PXDC1: variants seen among roughly 807,000 people sequenced by gnomAD.
PXDC1 encodes PX domain containing 1.
PXDC1 carries 13 observed loss-of-function variants against 24.4 expected under a neutral mutation model. The ratio of observed to expected loss-of-function variants is 0.53; its 90% CI spans 0.35 to 0.85. The LOEUF (loss-of-function observed/expected upper bound fraction) is 0.85, where lower values mean the gene tolerates loss of function less well. PXDC1 is among the 40% of genes least tolerant of loss of function. PXDC1 has a pLI of 0.01. For synonymous variants in PXDC1, 162 were observed against 124.9 expected (o/e 1.30, Z -1.98); for missense variants, 344 against 309.3 (o/e 1.11, Z -0.84).
rs917754520 is a variant in PXDC1, at chr6:3,725,197, C to T, written c.579-1461G>A. Among the ~76,000 whole-genome samples, 1 of 152,194 alleles carries T rather than the reference C, an allele frequency of 6.6e-6. No homozygotes were observed. The highest frequency in any genetic ancestry group is 2.4e-5 in the African/African-American group (1 of 41,454). ...TCAAGCCAGTCGAGGGACAGAGCCA[C>T]AGCGCCACCTCAAACAGTGTCCCAC... On this transcript the variant is annotated intron_variant, in intron 4 of 4. Transcript: ENST00000380283. The surrounding 1 kb of genome is among the most constrained non-coding windows in gnomAD (Gnocchi z 4.8).
Position 3,743,291 on chromosome 6 carries a change from A to G in PXDC1, c.257-5143T>C, listed in dbSNP as rs111599180. On this transcript the variant is annotated intron_variant, in intron 1 of 4. Coordinates refer to ENST00000380283, the MANE Select transcript of PXDC1 (RefSeq NM_183373.4). ...AGAACAGGCCTCTCTGAGCACTCAG[A>G]GGACGCGGTTCCCACACGCACACAA... 4.7e-3 allele frequency among the ~76,000 whole-genome samples: 719 copies of G among 152,322 alleles called. 7 individuals are homozygous for G. The highest frequency in any genetic ancestry group is 0.016 in the African/African-American group (680 of 41,564).
chr6:3,740,683 C>T (rs1050749555), intron 1 of PXDC1, among the ~76,000 whole-genome samples: 3 of 152,200 alleles, frequency 2.0e-5, no homozygotes, highest in Non-Finnish European at 4.4e-5. Flanking sequence ...GAGAAACAGG[C>T]CCTCGCTTCC....
intron 1 of PXDC1, among the ~76,000 whole-genome samples, chr6:3,748,160 G>A (rs1439333238): frequency 3.9e-5 from 6 of 152,188 alleles, no homozygotes. Flanking sequence ...AACCATGTTA[G>A]GTATCGCACA....
At chr6:3,738,738 A>C in intron 1 of PXDC1, 1 of 1,270,034 alleles carries the variant, frequency 7.9e-7, no homozygotes, top group Non-Finnish European at 1.0e-6. Context: ...TGTGCTTCTC[A>C]CGGTCACCAC....
At chr6:3,727,206 T>C (rs144823810) in intron 4 of PXDC1, among the ~76,000 whole-genome samples, 34 of 152,308 alleles carry the variant, frequency 2.2e-4, no homozygotes, top group African/African-American at 8.2e-4. Context: ...GGCAAACATG[T>C]CCCCATCTCA....
Position 3,737,248 on chromosome 6 carries a change from C to T in PXDC1, c.349-52G>A, listed in dbSNP as rs762952031. 3 of 1,312,018 alleles carry T rather than the reference C, an allele frequency of 2.3e-6. No homozygotes were observed. The highest frequency in any genetic ancestry group is 3.3e-6 in the Non-Finnish European group (3 of 907,230). 81.3% of individuals were successfully genotyped at this position (1,312,018 alleles called of 1,614,324 possible). A position where few individuals can be genotyped will look rare whatever the true frequency, so the allele number is the denominator to read the frequency against. On this transcript the variant is annotated intron_variant, in intron 2 of 4. Coordinates refer to ENST00000380283, the MANE Select transcript of PXDC1 (RefSeq NM_183373.4). The surrounding 1 kb of genome is among the most constrained non-coding windows in gnomAD (Gnocchi z 5.5). Reference sequence around the variant, plus strand: ...AAACGATCAGCCTCTACACGTTGGCCCTGTCTGTCTACCAAGAGAGGGCCC... The same window carrying T: ...AAACGATCAGCCTCTACACGTTGGCTCTGTCTGTCTACCAAGAGAGGGCCC...
At chr6:3,745,026 T>A (rs986278292) in intron 1 of PXDC1, among the ~76,000 whole-genome samples, 4 of 152,216 alleles carry the variant, frequency 2.6e-5, no homozygotes, top group African/African-American at 9.6e-5. Context: ...GGCCTAGATC[T>A]TAGGATCTTT....
At position 3,724,338 on chromosome 6, in the gene PXDC1, G is replaced by A. The variant is rs1037083443; in HGVS notation, c.579-602C>T. Among the ~76,000 whole-genome samples, 2 of 152,128 alleles carry A rather than the reference G, an allele frequency of 1.3e-5. No individual in the cohort carries two copies. The highest frequency in any genetic ancestry group is 4.8e-5 in the African/African-American group (2 of 41,394). ...CGAACATGGGGGACTTACATGGGGT[G>A]TGGAGAACTAGGGAAGAATACAAAC... On this transcript the variant is annotated intron_variant, in intron 4 of 4. Transcript: ENST00000380283. This position sits in a 1 kb window ranked among gnomAD's most constrained non-coding sequence, Gnocchi z 4.5.
intron 1 of PXDC1, among the ~76,000 whole-genome samples, chr6:3,740,100 G>A (rs1300582789): frequency 2.6e-5 from 4 of 152,112 alleles, no homozygotes; most frequent in Admixed American, 1.3e-4. Context: ...TTACAAGATC[G>A]GCTTCTTGCA....
At position 3,724,180 on chromosome 6, in the gene PXDC1, G is replaced by C. The variant is rs945673701; in HGVS notation, c.579-444C>G. On this transcript the variant is annotated intron_variant, in intron 4 of 4. Coordinates refer to ENST00000380283, the MANE Select transcript of PXDC1 (RefSeq NM_183373.4). The surrounding 1 kb of genome is among the most constrained non-coding windows in gnomAD (Gnocchi z 4.5). ...GCAGAGATGACACACGGACGCACAGGAGGCTGCGAGGGAACAGGAGGCTGG... is the reference window on the plus strand; with the variant it reads ...GCAGAGATGACACACGGACGCACAGCAGGCTGCGAGGGAACAGGAGGCTGG... Among the ~76,000 whole-genome samples, 1 of 152,130 alleles carries C rather than the reference G, an allele frequency of 6.6e-6. No homozygotes were observed. The highest frequency in any genetic ancestry group is 2.4e-5 in the African/African-American group (1 of 41,426).
At chr6:3,746,015 T>C (rs1760562289) in intron 1 of PXDC1, among the ~76,000 whole-genome samples, 1 of 152,166 alleles carries the variant, frequency 6.6e-6, no homozygotes, top group African/African-American at 2.4e-5. Flanking sequence ...TCACCACATA[T>C]GGTGTGCGTT....
At chr6:3,735,052 C>T (rs1233065339) in intron 3 of PXDC1, among the ~76,000 whole-genome samples, 1 of 152,028 alleles carries the variant, frequency 6.6e-6, no homozygotes, top group Non-Finnish European at 1.5e-5. Context: ...AGAGGGAGAC[C>T]CTGTCTCAAA....
intron 3 of PXDC1, among the ~76,000 whole-genome samples, chr6:3,731,530 T>C (rs1429790529): frequency 6.6e-6 from 1 of 152,216 alleles, no homozygotes; most frequent in African/African-American, 2.4e-5. Context: ...TTTTTCCAAA[T>C]GAAAGCAGCC....
intron 1 of PXDC1, among the ~76,000 whole-genome samples, chr6:3,741,451 C>T (rs770548361): frequency 6.6e-6 from 1 of 152,196 alleles, no homozygotes; most frequent in Non-Finnish European, 1.5e-5. Flanking sequence ...GTTAAGGGCA[C>T]GTCCATTATT....
At chr6:3,750,974 C>T (rs1350743898) in intron 1 of PXDC1, 1 of 357,762 alleles carries the variant, frequency 2.8e-6, no homozygotes, top group African/African-American at 2.1e-5. Context: ...GCGCCCCCGC[C>T]CTCCTCGGAA....
In PXDC1 at chr6:3,750,905, CG is replaced by C. The variant is rs1166654530; in HGVS notation, c.256+370del. On this transcript the variant is annotated intron_variant, in intron 1 of 4. Coordinates refer to ENST00000380283, the MANE Select transcript of PXDC1 (RefSeq NM_183373.4). The stretch of plus-strand genomic sequence containing the variant: ...CCCAGTGCGCCCGCCCGCCGGCCCT[CG>C]GGAGGTACCGGGCAGGGGGCTAGGG... Among the ~76,000 whole-genome samples the C allele has an allele frequency of 2.6e-5, 4 of 152,136 alleles. No individual in the cohort carries two copies. In the East Asian group the frequency reaches 7.8e-4, roughly 30 times the overall value.
At chr6:3,750,481 C>T (rs565307495) in intron 1 of PXDC1, among the ~76,000 whole-genome samples, 2 of 152,142 alleles carry the variant, frequency 1.3e-5, no homozygotes, top group South Asian at 4.1e-4. Flanking sequence ...CAATTCTTCC[C>T]GTCTCAATTC....
Position 3,731,026 on chromosome 6 carries a change from C to G in PXDC1, c.467-3364G>C, listed in dbSNP as rs146774780. Among the ~76,000 whole-genome samples, 32 of 152,312 alleles carry G rather than the reference C, an allele frequency of 2.1e-4. No individual in the cohort carries two copies. In the East Asian group the frequency reaches 6.2e-3, roughly 29 times the overall value. On this transcript the variant is annotated intron_variant, in intron 3 of 4. Transcript: ENST00000380283. The stretch of plus-strand genomic sequence containing the variant: ...ACTTGAGATGATGTATGTAAAGAAT[C>G]TAGCAAATACTGAGGGCTCAATAAA...
rs183298808 is a variant in PXDC1, at chr6:3,723,493, A to G, written c.*126T>C. On this transcript the variant is annotated 3_prime_UTR_variant, in exon 5 of 5. Transcript: ENST00000380283. ...CAGGACACCCAGGCCTCCTGGCGTC[A>G]GTGGGGCCTGGGACGTCTGGGAGTT... is the stretch of plus-strand genomic sequence containing the variant. The G allele has an allele frequency of 1.7e-3, 1,239 of 749,274 alleles. 15 individuals carry two copies. In the African/African-American group the frequency reaches 0.019, roughly 12 times the overall value. The allele number at this position is 749,274 out of a possible 1,614,324, so 46.4% of individuals were successfully genotyped here.
Sources: allele counts gnomAD v4.1 joint callset (sites outside exome capture counted in the v4.1 genomes callset), GRCh38; gene constraint gnomAD v4.1.1; non-coding constraint Gnocchi (gnomAD v3.1); transcripts MANE v1.5; gene names NCBI Gene and HGNC (gene_info 2026-07-23, HGNC 2026-07-21).